The following DGKD variants were observed in gnomAD, a reference collection of about 807,000 sequenced individuals.
DGKD encodes the protein diacylglycerol kinase delta.
DGKD carries 68 observed loss-of-function variants against 154.4 expected under a neutral mutation model. The observed-to-expected ratio is 0.44, with a 90% CI of 0.36 to 0.54. DGKD has a LOEUF of 0.54. DGKD is among the 20% of genes least tolerant of loss of function. The pLI is 0.00. For synonymous variants in DGKD, 693 were observed against 638.0 expected (o/e 1.09, Z -1.30); for missense variants, 1,343 against 1,593.6 (o/e 0.84, Z 2.68).
chr2:233,460,470 A>G, intron 24 of DGKD, 125 bp downstream of exon 24: 1 of 1,271,074 alleles, frequency 7.9e-7, no homozygotes, highest in Non-Finnish European at 1.1e-6. Flanking sequence ...ATTACCCATG[A>G]GGGCCGAGCC....
intron 29 of DGKD, among the ~76,000 whole-genome samples, 191 bp from the exon 30 acceptor site, chr2:233,469,180 G>C (rs1335426704): frequency 6.6e-6 from 1 of 152,254 alleles, no homozygotes; most frequent in African/African-American, 2.4e-5. Flanking sequence ...TAGAATGCAG[G>C]AACAATGGGC....
chr2:233,468,431 T>G lies in DGKD; in HGVS notation c.3433T>G (p.Trp1145Gly). The change falls in exon 29 of 30, where the codon TGG becomes GGG. Residue 1145 changes from tryptophan to glycine, a missense_variant. Around this residue, in one of 6 missense-constraint regions of DGKD, gnomAD observed 429 missense variants for 496.3 expected, o/e 0.86. Coordinates refer to ENST00000264057, the MANE Select transcript of DGKD (RefSeq NM_152879.3). Reference sequence around the variant, plus strand: ...TTTTCCATCTCCGACAGTTCACCTCTGGGGGACAGAGGAGGTTGCTGCCTG... The same window carrying G: ...TTTTCCATCTCCGACAGTTCACCTCGGGGGGACAGAGGAGGTTGCTGCCTG... ...HSSLGAPVHLWGTEEVAAWLE... is the reference protein window; with the variant it reads ...HSSLGAPVHLGGTEEVAAWLE... The G allele has an allele frequency of 1.2e-6, 2 of 1,613,146 alleles. No individual in the cohort carries two copies. Among genetic ancestry groups the G allele is most frequent in the Non-Finnish European group, 1.7e-6 (2 of 1,179,790 alleles).
Position 233,455,323 on chromosome 2 carries a change from C to T in DGKD, c.2375+450C>T, listed in dbSNP as rs140582094. ...CTTGAGTCCAACCTCTGCAGGAAGACGGGAGCGTGGGAGCCCCAAGGGGCA... is the reference window on the plus strand; with the variant it reads ...CTTGAGTCCAACCTCTGCAGGAAGATGGGAGCGTGGGAGCCCCAAGGGGCA... On this transcript the variant is annotated intron_variant, in intron 19 of 29. Transcript: ENST00000264057. Among the ~76,000 whole-genome samples the T allele has an allele frequency of 2.4e-3, 364 of 152,324 alleles. 2 individuals are homozygous for T. Among genetic ancestry groups the T allele is most frequent in the African/African-American group, 8.6e-3 (358 of 41,568 alleles).
chr2:233,379,752 G>A (rs938974848), intron 1 of DGKD: 1 of 152,132 alleles, frequency 6.6e-6, no homozygotes, highest in African/African-American at 2.4e-5. Context: ...CAAGGCTCAG[G>A]AGGTTGGGAG....
chr2:233,424,894 T>G (rs1392454598), intron 3 of DGKD, among the ~76,000 whole-genome samples: 2 of 152,230 alleles, frequency 1.3e-5, no homozygotes, highest in African/African-American at 2.4e-5. Flanking sequence ...GAGTCCACCC[T>G]CTTTTCCATT....
intron 24 of DGKD, among the ~76,000 whole-genome samples, chr2:233,461,375 T>C (rs781652408): frequency 6.6e-6 from 1 of 152,270 alleles, no homozygotes; most frequent in Non-Finnish European, 1.5e-5. Flanking sequence ...AGCCCTGGCG[T>C]GCAGATGGAT....
chr2:233,444,217 G>C (rs940647449), intron 10 of DGKD, among the ~76,000 whole-genome samples: 7 of 152,144 alleles, frequency 4.6e-5, no homozygotes, highest in Middle Eastern at 3.4e-3. Flanking sequence ...CATCCATCTA[G>C]ATGTCTGAGC....
rs762475883 is a variant in DGKD, at chr2:233,457,777, G to A, written c.2580+449G>A. 11 of 359,712 alleles carry A rather than the reference G, an allele frequency of 3.1e-5. No homozygotes were observed. Among genetic ancestry groups the A allele is most frequent in the Middle Eastern group, 8.9e-4 (1 of 1,124 alleles). 22.3% of individuals were successfully genotyped at this position (359,712 alleles called of 1,614,324 possible). ...CCCGACTGCAGTGGGCAGCAGGGGC[G>A]TGGAGAGACAGGAGAGGGCTGCAGG... is the stretch of plus-strand genomic sequence containing the variant. On this transcript the variant is annotated intron_variant, in intron 21 of 29. Coordinates refer to ENST00000264057, the MANE Select transcript of DGKD (RefSeq NM_152879.3). This position sits in a 1 kb window ranked among gnomAD's most constrained non-coding sequence, Gnocchi z 5.5.
intron 1 of DGKD, among the ~76,000 whole-genome samples, chr2:233,363,828 T>G (rs1433976600): frequency 1.3e-5 from 2 of 152,252 alleles, no homozygotes; most frequent in Non-Finnish European, 2.9e-5. Flanking sequence ...CTCTATGGGT[T>G]TGTAGTCCAA....
intron 1 of DGKD, among the ~76,000 whole-genome samples, chr2:233,360,662 C>T (rs575358741): frequency 6.6e-5 from 10 of 152,210 alleles, no homozygotes; most frequent in Non-Finnish European, 1.0e-4. Flanking sequence ...TAGCTGGGAG[C>T]GTAGGCTCAA....
rs73995954 is a variant in DGKD, at chr2:233,446,656, T to C, written c.1335-56T>C. On this transcript the variant is annotated intron_variant, in intron 11 of 29. Coordinates refer to ENST00000264057, the MANE Select transcript of DGKD (RefSeq NM_152879.3). ...GCCGTGAAAGCGGACGGCGCAGGGT[T>C]CACCCTTGTGGGCCTGCACGTCTTG... The C allele has an allele frequency of 2.4e-3, 3,754 of 1,576,462 alleles. 80 individuals are homozygous for C. The African/African-American group carries it at 0.044, about 19-fold the overall frequency.
intron 3 of DGKD, among the ~76,000 whole-genome samples, chr2:233,410,634 C>T (rs757980309): frequency 1.3e-5 from 2 of 152,226 alleles, no homozygotes; most frequent in Non-Finnish European, 2.9e-5. Flanking sequence ...GCTATATGGT[C>T]ACCCTGCTTA....
intron 7 of DGKD, among the ~76,000 whole-genome samples, chr2:233,437,064 C>T (rs1463126281): frequency 2.6e-5 from 4 of 152,222 alleles, no homozygotes. Flanking sequence ...GAGCCCTCAC[C>T]CTCGTCCTGA....
Position 233,434,455 on chromosome 2 carries a change from A to G in DGKD, c.424A>G (p.Lys142Glu). 1 of 1,614,166 alleles carries G rather than the reference A, an allele frequency of 6.2e-7. No individual in the cohort carries two copies. The highest frequency in any genetic ancestry group is 8.5e-7 in the Non-Finnish European group (1 of 1,180,012). ...KEMEDWIAAL[K>E]TVQNREHFEP... Reference sequence around the variant, plus strand: ...AATGGAAGATTGGATTGCAGCATTAAAGACTGTGCAGAACAGGGAGCACTT... The same window carrying G: ...AATGGAAGATTGGATTGCAGCATTAGAGACTGTGCAGAACAGGGAGCACTT... Residue 142 changes from lysine to glutamate, a missense_variant, in exon 4 of 30, where the codon AAG (lysine) becomes GAG (glutamate). By Grantham distance (56) the Lys-to-Glu change is moderately conservative. Coordinates refer to ENST00000264057, the MANE Select transcript of DGKD (RefSeq NM_152879.3).
rs1308039155 is a variant in DGKD, at chr2:233,468,437, A to C, written c.3439A>C (p.Thr1147Pro). Residue 1147 changes from threonine to proline, a missense_variant, in exon 29 of 30, where the codon ACA (threonine) becomes CCA (proline). Coordinates refer to ENST00000264057, the MANE Select transcript of DGKD (RefSeq NM_152879.3). ...SLGAPVHLWG[T>P]EEVAAWLEHL... ...ATCTCCGACAGTTCACCTCTGGGGGACAGAGGAGGTTGCTGCCTGGCTGGA... is the reference window on the plus strand; with the variant it reads ...ATCTCCGACAGTTCACCTCTGGGGGCCAGAGGAGGTTGCTGCCTGGCTGGA... The C allele has an allele frequency of 1.2e-6, 2 of 1,611,472 alleles. No homozygotes were observed. Among genetic ancestry groups the C allele is most frequent in the African/African-American group, 1.4e-5 (1 of 74,068 alleles).
intron 5 of DGKD, 138 bp from the exon 6 acceptor site, chr2:233,435,680 A>C: frequency 1.8e-5 from 11 of 624,592 alleles, no homozygotes; most frequent in East Asian, 3.2e-5. Context: ...GTATCACAGT[A>C]GTTCACTTAT....
intron 29 of DGKD, 88 bp downstream of exon 29, chr2:233,468,641 T>G: frequency 1.3e-6 from 2 of 1,568,292 alleles, no homozygotes; most frequent in Non-Finnish European, 1.7e-6. Context: ...CCTGGCCATG[T>G]CCCAGCATCA....
intron 26 of DGKD, 38 bp from the exon 27 acceptor site, chr2:233,464,126 A>C (rs1575177908): frequency 6.2e-7 from 1 of 1,612,422 alleles, no homozygotes. Flanking sequence ...AGCAGTGCAC[A>C]CTCTCCATTT....
intron 1 of DGKD, chr2:233,386,310 C>T (rs1559489961): frequency 1.1e-5 from 3 of 264,054 alleles, no homozygotes; most frequent in East Asian, 9.9e-5. Context: ...TTTCAGGCTT[C>T]CATGGATGGC....
Sources: gnomAD v4.1 joint callset for allele counts (sites outside exome capture counted in the v4.1 genomes callset) on GRCh38, gnomAD v4.1.1 for gene constraint, gnomAD v4.1.1 regional missense constraint, Gnocchi (gnomAD v3.1) non-coding constraint, MANE v1.5 for transcripts, NCBI Gene and HGNC (gene_info 2026-07-23, HGNC 2026-07-21) for gene names.